Variants in WWOX observed in about 807,000 individuals in gnomAD.
WWOX encodes WW domain-containing oxidoreductase.
Under a neutral mutation model 46.2 loss-of-function variants are expected in WWOX, and 69 were observed. That is an observed-to-expected ratio of 1.49 (90% CI 1.23 to 1.82). The LOEUF is 1.82. WWOX is among the 40% of genes most tolerant of loss of function. The pLI is 0.00. For synonymous variants in WWOX, 359 were observed against 202.6 expected, an observed-to-expected ratio of 1.77 and a Z score of -6.56; for missense variants, 919 against 542.6, an observed-to-expected ratio of 1.69 and a Z score of -6.89.
chr16:79,170,632 A>C (rs184789541), intron 8 of WWOX, among the ~76,000 whole-genome samples: 1 of 151,730 alleles, frequency 6.6e-6, no homozygotes, highest in African/African-American at 2.4e-5. Flanking sequence ...ACACAAATTA[A>C]AAAATGGAAC....
At chr16:79,060,588 A>G (rs1191815559) in intron 8 of WWOX, among the ~76,000 whole-genome samples, 1 of 152,258 alleles carries the variant, frequency 6.6e-6, no homozygotes, top group African/African-American at 2.4e-5. Context: ...ACCAAGAAGA[A>G]TGCAGTGACA....
At chr16:79,151,864 T>G (rs1346538858) in intron 8 of WWOX, among the ~76,000 whole-genome samples, 1 of 152,218 alleles carries the variant, frequency 6.6e-6, no homozygotes, top group Non-Finnish European at 1.5e-5. Context: ...AATTCTCTTT[T>G]CTTTGACTGG....
chr16:78,679,428 G>C (rs747964885), intron 8 of WWOX, among the ~76,000 whole-genome samples: 42 of 152,170 alleles, frequency 2.8e-4, no homozygotes, highest in African/African-American at 9.7e-4. Flanking sequence ...GTGTGGGCCT[G>C]TAATCCCAGC....
At chr16:78,718,816 A>G (rs777439764) in intron 8 of WWOX, among the ~76,000 whole-genome samples, 4 of 152,170 alleles carry the variant, frequency 2.6e-5, no homozygotes, top group Middle Eastern at 3.4e-3. Flanking sequence ...GAATTATTCT[A>G]TTGGTTCCTT....
intron 8 of WWOX, among the ~76,000 whole-genome samples, chr16:78,820,197 C>T (rs1057187279): frequency 1.2e-4 from 19 of 152,104 alleles, no homozygotes; most frequent in African/African-American, 4.1e-4. Context: ...CCACTGACAT[C>T]TGGGTGTTGT....
intron 8 of WWOX, among the ~76,000 whole-genome samples, chr16:79,155,126 C>T (rs2050355482): frequency 6.6e-6 from 1 of 152,206 alleles, no homozygotes; most frequent in African/African-American, 2.4e-5. Flanking sequence ...GCCTGTAATC[C>T]CAGCACTTTG....
chr16:79,043,644 T>C (rs560376535), intron 8 of WWOX, among the ~76,000 whole-genome samples: 17 of 152,318 alleles, frequency 1.1e-4, no homozygotes, highest in Middle Eastern at 3.4e-3. Context: ...AAGTAAGTAA[T>C]TTGAGACATG....
intron 8 of WWOX, among the ~76,000 whole-genome samples, chr16:78,445,152 G>C (rs1157484470): frequency 6.6e-6 from 1 of 152,178 alleles, no homozygotes; most frequent in Non-Finnish European, 1.5e-5. Flanking sequence ...GTGTACATCA[G>C]GGTATAAGCT....
chr16:79,168,194 G>T (rs1175095568), intron 8 of WWOX, among the ~76,000 whole-genome samples: 1 of 152,044 alleles, frequency 6.6e-6, no homozygotes, highest in African/African-American at 2.4e-5. Flanking sequence ...ATAAACATTT[G>T]TATACAAGTT....
At chr16:79,153,099 C>T (rs563477353) in intron 8 of WWOX, among the ~76,000 whole-genome samples, 1 of 152,164 alleles carries the variant, frequency 6.6e-6, no homozygotes, top group African/African-American at 2.4e-5. Context: ...TCCAAACTCA[C>T]TTGAGTACAC....
chr16:79,045,780 C>CTTTTTTTTTTTTTTTTTTT lies in WWOX; in HGVS notation c.1057-165807_1057-165789dup, dbSNP rs770463813. ...AGCTCGTCTTTCCTTTTTTCTTTTC[C>CTTTTTTTTTTTTTTTTTTT]TTTTTTTTTTTTTTTTTTTTTTTTT... On this transcript the variant is annotated intron_variant, in intron 8 of 8. Transcript: ENST00000566780. Among the ~76,000 whole-genome samples, 3 of 54,232 alleles carry CTTTTTTTTTTTTTTTTTTT rather than the reference C, an allele frequency of 5.5e-5. 1 individual carries two copies. Among genetic ancestry groups the CTTTTTTTTTTTTTTTTTTT allele is most frequent in the Non-Finnish European group, 1.2e-4 (3 of 25,356 alleles). 35.6% of individuals were successfully genotyped at this position (54,232 alleles called of 152,430 possible).
intron 3 of WWOX, among the ~76,000 whole-genome samples, chr16:78,114,054 C>T (rs1387209903): frequency 5.1e-5 from 7 of 136,400 alleles, no homozygotes; most frequent in Non-Finnish European, 7.7e-5. Flanking sequence ...AAAGTAAATT[C>T]TATTATAAGG....
rs541734587 is a variant in WWOX, at chr16:78,453,386, G to A, written c.1056+20634G>A. 4.6e-5 allele frequency among the ~76,000 whole-genome samples: 7 copies of A among 150,994 alleles called. No homozygotes were observed. In the South Asian group the frequency reaches 1.3e-3, roughly 27 times the overall value. On this transcript the variant is annotated intron_variant, in intron 8 of 8. Coordinates refer to ENST00000566780, the MANE Select transcript of WWOX (RefSeq NM_016373.4). ...GGCAGTGAGTGGAGATCACGCCACA[G>A]CACTTCAGCCTGGGCGCATGAGCGA...
At chr16:78,865,100 T>G (rs980614236) in intron 8 of WWOX, among the ~76,000 whole-genome samples, 5 of 152,282 alleles carry the variant, frequency 3.3e-5, no homozygotes, top group African/African-American at 1.2e-4. Flanking sequence ...CTTTAATATG[T>G]TAAACACCCT....
intron 8 of WWOX, among the ~76,000 whole-genome samples, chr16:78,883,020 A>C (rs1394444897): frequency 6.6e-6 from 1 of 152,170 alleles, no homozygotes; most frequent in Non-Finnish European, 1.5e-5. Context: ...AGGAACTGCA[A>C]CTAAATTGAA....
intron 4 of WWOX, 72 bp from the exon 5 acceptor site, chr16:78,164,111 G>T (rs1049725480): frequency 7.2e-7 from 1 of 1,395,128 alleles, no homozygotes; most frequent in Non-Finnish European, 1.0e-6. Context: ...TGGTGCTCCG[G>T]TAAAGGCCAT....
Position 78,109,838 on chromosome 16 carries a change from A to T in WWOX, c.230+3A>T, listed in dbSNP as rs746149234. 1.2e-6 allele frequency: 2 copies of T among 1,614,164 alleles called. No homozygotes were observed. Among genetic ancestry groups the T allele is most frequent in the Non-Finnish European group, 1.7e-6 (2 of 1,180,020 alleles). On this transcript the variant is annotated splice_donor_region_variant and intron_variant, in intron 3 of 8. Coordinates refer to ENST00000566780, the MANE Select transcript of WWOX (RefSeq NM_016373.4). ...AACGGACAAGTGTTTTTTGTTGAGT[A>T]AGTGTCTGCAAAGAAACCACTCTCA...
chr16:78,815,345 A>G (rs1296356367), intron 8 of WWOX, among the ~76,000 whole-genome samples: 5 of 152,054 alleles, frequency 3.3e-5, no homozygotes, highest in Non-Finnish European at 7.4e-5. Flanking sequence ...AAAAAAAAGA[A>G]GGTTTCATAC....
intron 8 of WWOX, among the ~76,000 whole-genome samples, chr16:78,651,609 C>G (rs2046967407): frequency 6.6e-6 from 1 of 152,184 alleles, no homozygotes; most frequent in African/African-American, 2.4e-5. Context: ...TGCCTAGAAC[C>G]TCAGTGCTAT....
Sources: allele counts gnomAD v4.1 joint callset (sites outside exome capture counted in the v4.1 genomes callset), GRCh38; gene constraint gnomAD v4.1.1; transcripts MANE v1.5; gene names NCBI Gene and HGNC (gene_info 2026-07-23, HGNC 2026-07-21).